The following HEATR5A variants were observed in gnomAD, a reference collection of about 807,000 sequenced individuals.
HEATR5A encodes HEAT repeat containing 5A.
Under a neutral mutation model 218.8 loss-of-function variants are expected in HEATR5A, and 178 were observed. The observed-to-expected ratio is 0.81, with a 90% confidence interval of 0.72 to 0.92. HEATR5A has a LOEUF of 0.92. HEATR5A is among the 40% of genes least tolerant of loss of function. The probability of loss-of-function intolerance (pLI) is 0.00; values close to 1 mark genes in which losing one functional copy is unlikely to be tolerated. For missense variants in HEATR5A, 2,420 were observed against 2,418.9 expected, an observed-to-expected ratio of 1.00 and a Z score of -0.01; for synonymous variants, 864 against 871.6, an observed-to-expected ratio of 0.99 and a Z score of 0.15.
intron 12 of HEATR5A, among the ~76,000 whole-genome samples, chr14:31,374,293 C>A (rs1366774799): frequency 1.9e-5 from 2 of 105,086 alleles, no homozygotes; most frequent in Non-Finnish European, 1.9e-5. Flanking sequence ...AACAGTGAGA[C>A]CCTATCTCAA....
chr14:31,386,312 C>A, intron 9 of HEATR5A, 108 bp downstream of exon 9: 1 of 762,122 alleles, frequency 1.3e-6, no homozygotes, highest in Non-Finnish European at 2.0e-6. Flanking sequence ...TAAAACATTT[C>A]TCATAAATCT....
intron 7 of HEATR5A, among the ~76,000 whole-genome samples, chr14:31,388,491 TTATG>T (rs1416471465): frequency 6.6e-6 from 1 of 152,214 alleles, no homozygotes; most frequent in East Asian, 1.9e-4. Flanking sequence ...TGCTAAACAA[TTATG>T]TATGTAATAG....
intron 16 of HEATR5A, among the ~76,000 whole-genome samples, chr14:31,352,334 T>C (rs189394480): frequency 1.8e-4 from 28 of 152,286 alleles, no homozygotes; most frequent in African/African-American, 5.3e-4. Context: ...GGTGTGCTTA[T>C]TAAGCAAGCA....
chr14:31,345,557 GA>G (rs1224826774), intron 19 of HEATR5A, among the ~76,000 whole-genome samples: 3 of 152,096 alleles, frequency 2.0e-5, no homozygotes, highest in Admixed American at 1.3e-4. Flanking sequence ...TTAATCTATA[GA>G]AAGAATGAAA....
chr14:31,387,410 A>G (rs530058956), intron 7 of HEATR5A, 35 bp from the exon 8 acceptor site: 14 of 1,482,472 alleles, frequency 9.4e-6, no homozygotes, highest in African/African-American at 1.4e-5. Context: ...TCAATATTAA[A>G]TTGTTTCAAT....
At chr14:31,389,886 C>G (rs1300839303) in intron 6 of HEATR5A, among the ~76,000 whole-genome samples, 1 of 151,910 alleles carries the variant, frequency 6.6e-6, no homozygotes, top group Non-Finnish European at 1.5e-5. Flanking sequence ...GAAAAGACAG[C>G]AATAAACGTA....
intron 25 of HEATR5A, chr14:31,320,441 G>C: frequency 7.5e-7 from 1 of 1,341,666 alleles, no homozygotes; most frequent in Non-Finnish European, 1.1e-6. Flanking sequence ...CTTGGCGGCT[G>C]TGTCAGTGTC....
chr14:31,366,850 G>A (rs1901822147), intron 13 of HEATR5A, among the ~76,000 whole-genome samples: 1 of 151,988 alleles, frequency 6.6e-6, no homozygotes, highest in Non-Finnish European at 1.5e-5. Flanking sequence ...CCATGGTAGG[G>A]GTGTAAAACC....
chr14:31,356,222 CTTGCCAGGCCACTTCTT>C (rs1901421737), intron 16 of HEATR5A, among the ~76,000 whole-genome samples: 2 of 152,136 alleles, frequency 1.3e-5, no homozygotes, highest in South Asian at 4.2e-4. Context: ...TATCTGGGAT[CTTGCCAGGCCACTTCTT>C]TATAAATATA....
chr14:31,394,079 C>T lies in HEATR5A; in HGVS notation c.745G>A (p.Ala249Thr), dbSNP rs2030556952. Residue 249 changes from alanine to threonine, a missense_variant, in exon 6 of 36, where the codon GCT becomes ACT. By Grantham distance (58) the Ala-to-Thr change is moderately conservative. Coordinates refer to ENST00000543095, the MANE Select transcript of HEATR5A (RefSeq NM_015473.4). ...SKLLGIILAK[A>T]VISKHPGTAA... Reference sequence around the variant, plus strand: ...GTTCCTGGATGTTTAGAAATTACAGCTTTAGCTAATATTATGCCTAGTAAC... The same window carrying T: ...GTTCCTGGATGTTTAGAAATTACAGTTTTAGCTAATATTATGCCTAGTAAC... 1 of 1,528,686 alleles carries T rather than the reference C, an allele frequency of 6.5e-7. No individual in the cohort carries two copies. Among genetic ancestry groups the T allele is most frequent in the Non-Finnish European group, 8.7e-7 (1 of 1,143,886 alleles). 94.7% of individuals were successfully genotyped at this position (1,528,686 alleles called of 1,614,324 possible). A position where few individuals can be genotyped will look rare whatever the true frequency, so the allele number is the denominator to read the frequency against.
intron 23 of HEATR5A, among the ~76,000 whole-genome samples, chr14:31,324,260 T>A (rs1391373909): frequency 6.6e-6 from 1 of 152,146 alleles, no homozygotes. Context: ...CTACTGAAAT[T>A]GTCTGAAAAT....
At chr14:31,391,704 C>T (rs966980870) in intron 6 of HEATR5A, among the ~76,000 whole-genome samples, 9 of 152,118 alleles carry the variant, frequency 5.9e-5, no homozygotes, top group African/African-American at 1.9e-4. Flanking sequence ...TGGTCAGTGC[C>T]GTATAGGTGT....
chr14:31,383,487 C>A (rs1014496309), intron 10 of HEATR5A, 34 bp downstream of exon 10: 2 of 1,569,798 alleles, frequency 1.3e-6, no homozygotes, highest in Admixed American at 1.8e-5. Context: ...ACAAAAAGCA[C>A]CTCATTATCA....
intron 13 of HEATR5A, among the ~76,000 whole-genome samples, chr14:31,365,970 T>G (rs984890553): frequency 9.2e-5 from 14 of 152,320 alleles, no homozygotes; most frequent in Non-Finnish European, 2.1e-4. Flanking sequence ...TGGCCAACTG[T>G]ACTTTCTAGA....
At chr14:31,316,789 G>A (rs1411288268) in intron 26 of HEATR5A, among the ~76,000 whole-genome samples, 1 of 152,102 alleles carries the variant, frequency 6.6e-6, no homozygotes, top group African/African-American at 2.4e-5. Flanking sequence ...CCTCCACAGG[G>A]GGATCCTCCC....
chr14:31,308,764 G>A (rs759081437), intron 29 of HEATR5A, among the ~76,000 whole-genome samples, 170 bp downstream of exon 29: 4 of 151,660 alleles, frequency 2.6e-5, no homozygotes, highest in Admixed American at 6.6e-5. Context: ...AATGAGCAGA[G>A]AGCTTAAGTA....
At chr14:31,391,762 T>C (rs1404058563) in intron 6 of HEATR5A, among the ~76,000 whole-genome samples, 1 of 152,220 alleles carries the variant, frequency 6.6e-6, no homozygotes, top group Non-Finnish European at 1.5e-5. Flanking sequence ...TCCTTTTCTA[T>C]ATTTAGACAT....
intron 1 of HEATR5A, among the ~76,000 whole-genome samples, chr14:31,415,609 T>G (rs1203792248): frequency 6.6e-6 from 1 of 152,256 alleles, no homozygotes; most frequent in Non-Finnish European, 1.5e-5. Flanking sequence ...TGTACGTGTA[T>G]ATCTGCTTTG....
At chr14:31,333,090 A>G (rs1900530719) in intron 22 of HEATR5A, among the ~76,000 whole-genome samples, 1 of 152,092 alleles carries the variant, frequency 6.6e-6, no homozygotes. Context: ...TGAGGAAGCT[A>G]CAGAAGAAAA....
Sources: allele counts gnomAD v4.1 joint callset (sites outside exome capture counted in the v4.1 genomes callset), GRCh38; gene constraint gnomAD v4.1.1; transcripts MANE v1.5; gene names NCBI Gene and HGNC (gene_info 2026-07-23, HGNC 2026-07-21).